CCDC171: variants seen among roughly 807,000 people sequenced by gnomAD.
The protein encoded by CCDC171 is coiled-coil domain containing 171.
In CCDC171, 177 loss-of-function variants were observed where a neutral mutation model predicts 168.2. That is an observed-to-expected ratio of 1.05 (90% CI 0.93 to 1.19). The LOEUF (loss-of-function observed/expected upper bound fraction) is 1.19. Among genes scored for constraint, CCDC171 ranks in the 50% most tolerant of loss-of-function variants. The pLI is 0.00. For synonymous variants in CCDC171, 687 were observed against 540.8 expected, an observed-to-expected ratio of 1.27 and a Z score of -3.75; for missense variants, 1,991 against 1,539.0, an observed-to-expected ratio of 1.29 and a Z score of -4.91.
intron 21 of CCDC171, among the ~76,000 whole-genome samples, chr9:15,843,716 T>G (rs976995769): frequency 6.6e-6 from 1 of 152,238 alleles, no homozygotes; most frequent in East Asian, 1.9e-4. Context: ...GGGCTGTAAT[T>G]AGGGTGACCG....
intron 24 of CCDC171, among the ~76,000 whole-genome samples, chr9:15,877,178 T>TGAAA (rs1817955405): frequency 1.3e-5 from 1 of 78,142 alleles, no homozygotes. Context: ...CTTTCTTAGC[T>TGAAA]GAAACAAACA....
intron 18 of CCDC171, among the ~76,000 whole-genome samples, chr9:15,773,991 A>G (rs947727866): frequency 2.0e-5 from 3 of 152,170 alleles, no homozygotes; most frequent in Admixed American, 2.0e-4. Context: ...CACGCCTGTA[A>G]TCCCAGCACT....
chr9:16,072,962 G>C, the CCDC171 span, among the ~76,000 whole-genome samples: 1 of 152,204 alleles, frequency 6.6e-6, no homozygotes, highest in Middle Eastern at 3.2e-3. Flanking sequence ...GGACAAATAA[G>C]AGATATCAGG....
chr9:15,723,311 A>C (rs2053606048), intron 12 of CCDC171, among the ~76,000 whole-genome samples: 1 of 152,118 alleles, frequency 6.6e-6, no homozygotes, highest in Non-Finnish European at 1.5e-5. Flanking sequence ...GTTCTTTTTT[A>C]TTTACTTATA....
At chr9:15,984,822 T>C (rs1831933543) in intron 3 of CCDC171, among the ~76,000 whole-genome samples, 1 of 152,096 alleles carries the variant, frequency 6.6e-6, no homozygotes, top group Admixed American at 6.6e-5. Flanking sequence ...CAGAAATGGG[T>C]CAATTCTTCT....
At chr9:15,975,653 C>A (rs1831597916), downstream of CCDC171, among the ~76,000 whole-genome samples, 1 of 152,120 alleles carries the variant, frequency 6.6e-6, no homozygotes, top group Non-Finnish European at 1.5e-5. Context: ...GTCAGCTTGA[C>A]CATGCTATTA....
intron 7 of CCDC171, among the ~76,000 whole-genome samples, chr9:15,653,725 T>C (rs997237696): frequency 1.3e-5 from 2 of 152,268 alleles, no homozygotes; most frequent in Admixed American, 6.5e-5. Context: ...CTGAACACTT[T>C]AGTATGTATT....
chr9:15,827,923 C>A (rs9407652), intron 21 of CCDC171, among the ~76,000 whole-genome samples: 67,191 of 152,004 alleles, frequency 0.44, 15,057 homozygotes, highest in African/African-American at 0.47. Context: ...GAAAAGGATT[C>A]ATCTTGTTAT....
At position 15,943,888 on chromosome 9, in the gene CCDC171, A is replaced by G. The variant is rs140297697; in HGVS notation, c.3753+23466A>G. On this transcript the variant is annotated intron_variant, in intron 25 of 25. Transcript: ENST00000380701. ...GAAAAGATAAATTTATTGAAATGAG[A>G]TGGTTAGGGAATATTTTTAAGAAGT... 4.9e-4 allele frequency among the ~76,000 whole-genome samples: 74 copies of G among 152,080 alleles called. No individual in the cohort carries two copies. In the Middle Eastern group the frequency reaches 0.01, roughly 21 times the overall value.
intron 21 of CCDC171, among the ~76,000 whole-genome samples, chr9:15,815,419 CTTTTT>C (rs59112774): frequency 1.2e-5 from 1 of 83,904 alleles, no homozygotes; most frequent in African/African-American, 4.7e-5. Flanking sequence ...ACTTCTTTTA[CTTTTT>C]TTTTTTTTTT....
At chr9:15,783,597 C>G (rs762583465) in intron 20 of CCDC171, among the ~76,000 whole-genome samples, 5 of 152,082 alleles carry the variant, frequency 3.3e-5, no homozygotes, top group Non-Finnish European at 7.4e-5. Context: ...TTTGTGAAAC[C>G]TTCCTCTTTT....
At chr9:15,913,176 T>C (rs981121943) in intron 24 of CCDC171, among the ~76,000 whole-genome samples, 1 of 152,360 alleles carries the variant, frequency 6.6e-6, no homozygotes, top group Middle Eastern at 3.4e-3. Flanking sequence ...CTGGGCTTTT[T>C]TGGTTGGTAA....
At chr9:15,698,692 T>C (rs2051425485) in intron 11 of CCDC171, among the ~76,000 whole-genome samples, 1 of 152,146 alleles carries the variant, frequency 6.6e-6, no homozygotes. Context: ...TGTATATGTA[T>C]GTATATACAC....
intron 8 of CCDC171, among the ~76,000 whole-genome samples, chr9:15,659,050 C>G (rs895020290): frequency 6.6e-6 from 1 of 152,136 alleles, no homozygotes; most frequent in Non-Finnish European, 1.5e-5. Flanking sequence ...CTGTCAAACT[C>G]TGAAGTCTGA....
intron 2 of CCDC171, among the ~76,000 whole-genome samples, chr9:15,568,463 G>A (rs1173336424): frequency 6.6e-6 from 1 of 151,990 alleles, no homozygotes; most frequent in East Asian, 1.9e-4. Context: ...GTAGAGATGG[G>A]GTTTCACCGT....
chr9:15,609,445 TA>T (rs889953959), intron 6 of CCDC171, among the ~76,000 whole-genome samples: 11 of 152,182 alleles, frequency 7.2e-5, no homozygotes, highest in Admixed American at 2.0e-4. Context: ...TTTATCAGTA[TA>T]TTTTTTTATA....
At chr9:15,923,072 C>G (rs891435107) in intron 25 of CCDC171, among the ~76,000 whole-genome samples, 2 of 151,450 alleles carry the variant, frequency 1.3e-5, no homozygotes, top group African/African-American at 4.8e-5. Context: ...GATTTAATCG[C>G]ATTTGTCTGT....
the CCDC171 span, among the ~76,000 whole-genome samples, chr9:16,099,622 G>A: frequency 6.6e-6 from 1 of 152,216 alleles, no homozygotes. Flanking sequence ...CTTTGTAGGA[G>A]GTGCATGAAG....
intron 7 of CCDC171, among the ~76,000 whole-genome samples, chr9:15,630,887 A>G (rs1303569283): frequency 6.6e-6 from 1 of 152,234 alleles, no homozygotes; most frequent in Non-Finnish European, 1.5e-5. Context: ...CTGCTCAACT[A>G]CATGGAAACT....
Sources: allele counts gnomAD v4.1 joint callset (sites outside exome capture counted in the v4.1 genomes callset), GRCh38; gene constraint gnomAD v4.1.1; transcripts MANE v1.5; gene names NCBI Gene and HGNC (gene_info 2026-07-23, HGNC 2026-07-21).